Variants in LOC128462377 observed in about 807,000 individuals in gnomAD.
chr16:89,338,098 C>G, the LOC128462377 span, among the ~76,000 whole-genome samples: 2 of 152,230 alleles, frequency 1.3e-5, no homozygotes, highest in Admixed American at 6.5e-5. Context: ...GGGGCCCCCA[C>G]TATGGCCATC....
the LOC128462377 span, among the ~76,000 whole-genome samples, chr16:89,393,314 A>ATTTTTT: frequency 7.2e-6 from 1 of 139,278 alleles, no homozygotes; most frequent in African/African-American, 2.6e-5. Context: ...TTTTATTTTT[A>ATTTTTT]TTTTTTTTTT....
At chr16:89,335,290 G>T in the LOC128462377 span, among the ~76,000 whole-genome samples, 1 of 152,182 alleles carries the variant, frequency 6.6e-6, no homozygotes, top group East Asian at 1.9e-4. Flanking sequence ...GCACCCCCAA[G>T]CAGGGGCTGC....
the LOC128462377 span, among the ~76,000 whole-genome samples, chr16:89,331,948 C>T: frequency 1.5e-4 from 23 of 152,260 alleles, no homozygotes; most frequent in African/African-American, 5.5e-4. Flanking sequence ...CCACTGTGTT[C>T]ACCACACTCT....
the LOC128462377 span, among the ~76,000 whole-genome samples, chr16:89,355,618 T>G: frequency 6.6e-6 from 1 of 152,146 alleles, no homozygotes; most frequent in Non-Finnish European, 1.5e-5. Flanking sequence ...AATGTCACAG[T>G]ATCGCCAGGA....
chr16:89,376,727 C>G, the LOC128462377 span, among the ~76,000 whole-genome samples: 12 of 152,244 alleles, frequency 7.9e-5, no homozygotes, highest in Non-Finnish European at 1.6e-4. Flanking sequence ...GCGTGCGCCA[C>G]CACGCCTGGC....
the LOC128462377 span, among the ~76,000 whole-genome samples, chr16:89,318,064 G>A: frequency 6.6e-6 from 1 of 152,212 alleles, no homozygotes; most frequent in East Asian, 1.9e-4. Context: ...AAACCCAACA[G>A]GCAGTTGGGG....
chr16:89,387,190 T>C, the LOC128462377 span, among the ~76,000 whole-genome samples: 6 of 150,082 alleles, frequency 4.0e-5, no homozygotes. Flanking sequence ...AGGACACTGC[T>C]CAGCAAGGAA....
the LOC128462377 span, chr16:89,323,067 G>C: frequency 1.3e-5 from 4 of 303,154 alleles, no homozygotes; most frequent in South Asian, 2.6e-5. Flanking sequence ...GGTGTCTGAA[G>C]GATGCTTTAC....
chr16:89,319,600 C>T, the LOC128462377 span, among the ~76,000 whole-genome samples: 3 of 152,208 alleles, frequency 2.0e-5, no homozygotes, highest in Non-Finnish European at 4.4e-5. Context: ...GCGATGTGCT[C>T]GAGGCCCTGC....
At chr16:89,355,975 C>G in the LOC128462377 span, among the ~76,000 whole-genome samples, 5 of 152,280 alleles carry the variant, frequency 3.3e-5, no homozygotes, top group African/African-American at 1.2e-4. Context: ...AGTTGGGAGG[C>G]TGAGGTGGGA....
chr16:89,320,689 C>T, the LOC128462377 span, among the ~76,000 whole-genome samples: 3 of 152,218 alleles, frequency 2.0e-5, no homozygotes, highest in African/African-American at 7.2e-5. Context: ...AAGCTGTGGG[C>T]TCAGGGAACT....
chr16:89,417,136 G>T, the LOC128462377 span, among the ~76,000 whole-genome samples: 55 of 152,268 alleles, frequency 3.6e-4, no homozygotes, highest in South Asian at 0.011. Context: ...TCCAAGGAAA[G>T]AATTCAGTCA....
At chr16:89,336,069 G>A in the LOC128462377 span, among the ~76,000 whole-genome samples, 1 of 152,240 alleles carries the variant, frequency 6.6e-6, no homozygotes, top group Non-Finnish European at 1.5e-5. Flanking sequence ...CCTGCCAGTT[G>A]GTTTGAAAAA....
chr16:89,376,245 G>A, the LOC128462377 span, among the ~76,000 whole-genome samples: 1 of 152,160 alleles, frequency 6.6e-6, no homozygotes, highest in East Asian at 1.9e-4. Context: ...TACAACAACT[G>A]AAAGTAAAAG....
At chr16:89,385,888 G>C in the LOC128462377 span, among the ~76,000 whole-genome samples, 2 of 152,242 alleles carry the variant, frequency 1.3e-5, no homozygotes, top group African/African-American at 4.8e-5. Flanking sequence ...CGTTCCCTCC[G>C]TAGGCAACCC....
chr16:89,408,789 T>C, the LOC128462377 span, among the ~76,000 whole-genome samples: 424 of 152,294 alleles, frequency 2.8e-3, 3 homozygotes, highest in African/African-American at 9.8e-3. Flanking sequence ...CTAAACATCT[T>C]TTGAGGCCTA....
At chr16:89,401,269 G>A in the LOC128462377 span, among the ~76,000 whole-genome samples, 13 of 152,180 alleles carry the variant, frequency 8.5e-5, no homozygotes, top group Admixed American at 5.2e-4. Flanking sequence ...AGTAGAGACC[G>A]GGTTTCGCCA....
the LOC128462377 span, chr16:89,323,333 G>A: frequency 7.8e-7 from 1 of 1,288,976 alleles, no homozygotes; most frequent in Non-Finnish European, 1.0e-6. Context: ...GGCAATCCCA[G>A]GTATGGAAGA....
chr16:89,318,385 C>T, the LOC128462377 span, among the ~76,000 whole-genome samples: 6 of 152,240 alleles, frequency 3.9e-5, no homozygotes, highest in East Asian at 1.9e-4. Flanking sequence ...CTCGCCGCAC[C>T]GTCAGTTAGA....
Sources: gnomAD v4.1 joint callset for allele counts (sites outside exome capture counted in the v4.1 genomes callset) on GRCh38, gnomAD v4.1.1 for gene constraint, MANE v1.5 for transcripts.